ERMARD: variants seen among roughly 807,000 people sequenced by gnomAD.
The protein encoded by ERMARD is ER membrane associated RNA degradation.
A neutral mutation model predicts 83.9 loss-of-function variants in ERMARD; 71 were observed. That is an observed-to-expected ratio of 0.85 (90% CI 0.70 to 1.03). The LOEUF is 1.03. Among genes scored for constraint, ERMARD ranks in the 50% least tolerant of loss-of-function variants. The pLI is 0.00. For missense variants in ERMARD, 838 were observed against 810.9 expected, an observed-to-expected ratio of 1.03 and a Z score of -0.41; for synonymous variants, 284 against 298.6, an observed-to-expected ratio of 0.95 and a Z score of 0.50.
intron 8 of ERMARD, 37 bp downstream of exon 8, chr6:169,760,793 G>A (rs558151669): frequency 7.1e-7 from 1 of 1,408,560 alleles, no homozygotes; most frequent in East Asian, 2.3e-5. Flanking sequence ...GTTTGCAGTG[G>A]TTGGAGGCCA....
Position 169,756,355 on chromosome 6 carries a change from T to C in ERMARD, c.333T>C (p.Phe111=). ...GTAAATAGTTATTTCCTGAAATATT[T>C]GATGCCTTGGAAAGTCTACAATCTC... is the stretch of plus-strand genomic sequence containing the variant. ...TSFPELFPEI[F]DALESLQSPA... is the part of the protein sequence containing the mutation. The change falls in exon 4 of 18, where the codon TTT becomes TTC. Residue 111 remains phenylalanine (F), a synonymous_variant. Coordinates refer to ENST00000366773, the MANE Select transcript of ERMARD (RefSeq NM_018341.3). 3 of 1,606,264 alleles carry C rather than the reference T, an allele frequency of 1.9e-6. No homozygotes were observed. Among genetic ancestry groups the C allele is most frequent in the Non-Finnish European group, 2.6e-6 (3 of 1,175,830 alleles).
At chr6:169,780,785 A>C (rs1231558004) in intron 17 of ERMARD, among the ~76,000 whole-genome samples, 2 of 152,222 alleles carry the variant, frequency 1.3e-5, no homozygotes, top group Admixed American at 6.5e-5. Context: ...GGTCCTCTGT[A>C]TCAGCAGGCT....
At chr6:169,766,419 T>C (rs1792214869) in intron 9 of ERMARD, among the ~76,000 whole-genome samples, 1 of 152,218 alleles carries the variant, frequency 6.6e-6, no homozygotes, top group Non-Finnish European at 1.5e-5. Context: ...AGTGTCCTAA[T>C]GCGGCTTCAT....
chr6:169,769,481 A>AGGC, intron 11 of ERMARD, 59 bp from the exon 12 acceptor site: 1 of 1,474,022 alleles, frequency 6.8e-7, no homozygotes, highest in Non-Finnish European at 9.1e-7. Context: ...CAGCAACACC[A>AGGC]GGCACGTCTC....
chr6:169,759,923 C>A lies in ERMARD; in HGVS notation c.691C>A (p.His231Asn). Residue 231 changes from histidine to asparagine, a missense_variant, in exon 7 of 18, where the codon CAT (histidine) becomes AAT (asparagine). By Grantham distance (68) the His-to-Asn change is moderately conservative. Coordinates refer to ENST00000366773, the MANE Select transcript of ERMARD (RefSeq NM_018341.3). ...YLQNTKLTLA[H>N]RSFISLTNLE... ...TCAAAACACTAAACTTACATTGGCA[C>A]ATCGCTCTTTCATATCTCTTACAAA... The A allele has an allele frequency of 6.2e-7, 1 of 1,614,192 alleles. No individual in the cohort carries two copies. Among genetic ancestry groups the A allele is most frequent in the East Asian group, 2.2e-5 (1 of 44,882 alleles).
intron 1 of ERMARD, among the ~76,000 whole-genome samples, chr6:169,752,849 T>C (rs1790314223): frequency 6.6e-6 from 1 of 152,208 alleles, no homozygotes; most frequent in Non-Finnish European, 1.5e-5. Context: ...TTGCTACTTT[T>C]TACATGGCAG....
intron 6 of ERMARD, 105 bp from the exon 7 acceptor site, chr6:169,759,733 A>C: frequency 8.7e-7 from 1 of 1,145,572 alleles, no homozygotes; most frequent in East Asian, 2.4e-5. Flanking sequence ...GTTTCATGCA[A>C]TTTAACTTTG....
chr6:169,751,595 C>T (rs943254613), upstream of ERMARD: 55 of 1,597,232 alleles, frequency 3.4e-5, no homozygotes, highest in Non-Finnish European at 4.2e-5. Context: ...TCCAAAGCGC[C>T]TGGAGGAGGG....
chr6:169,781,170 C>A (rs369157996), intron 17 of ERMARD, among the ~76,000 whole-genome samples, 160 bp from the exon 18 acceptor site: 4 of 152,140 alleles, frequency 2.6e-5, no homozygotes, highest in East Asian at 3.8e-4. Context: ...AATTTGTATT[C>A]TCTTATTTTT....
intron 16 of ERMARD, 48 bp downstream of exon 16, chr6:169,776,721 T>C: frequency 1.9e-6 from 3 of 1,598,614 alleles, no homozygotes; most frequent in Non-Finnish European, 2.6e-6. Context: ...GGGCAGGAAG[T>C]TGTCACAGAT....
chr6:169,764,277 T>G (rs1017746387), intron 9 of ERMARD, among the ~76,000 whole-genome samples: 1 of 151,708 alleles, frequency 6.6e-6, no homozygotes, highest in Non-Finnish European at 1.5e-5. Context: ...TTTGGTTTTT[T>G]TTTTTGAGGC....
intron 9 of ERMARD, among the ~76,000 whole-genome samples, chr6:169,765,678 GTAA>G (rs1442265851): frequency 6.6e-6 from 1 of 152,220 alleles, no homozygotes; most frequent in Non-Finnish European, 1.5e-5. Context: ...CATCTGTGTA[GTAA>G]TGTTGAAGAA....
Position 169,781,328 on chromosome 6 carries a change from A to T in ERMARD, c.1854-2A>T. On this transcript the variant is annotated splice_acceptor_variant, in intron 17 of 17. Transcript: ENST00000366773. LOFTEE classifies it high-confidence loss of function. ...ATAAAGAAATTAATTTTTTTTTTAC[A>T]GGTTTGTAAAGTCGATCTTGCAGTA... is the stretch of plus-strand genomic sequence containing the variant. The T allele has an allele frequency of 6.3e-7, 1 of 1,581,394 alleles. No homozygotes were observed. The highest frequency in any genetic ancestry group is 8.5e-7 in the Non-Finnish European group (1 of 1,171,098).
chr6:169,776,764 G>C (rs1275169409), intron 16 of ERMARD, 91 bp downstream of exon 16: 13 of 1,436,962 alleles, frequency 9.0e-6, no homozygotes, highest in Non-Finnish European at 1.2e-5. Context: ...GACACACACA[G>C]TAGCCCCTCA....
rs144908519 is a variant in ERMARD, at chr6:169,776,025, C to T, written c.1480C>T (p.Arg494Cys). The change falls in exon 15 of 18, where the codon CGT becomes TGT. Residue 494 changes from arginine (R) to cysteine (C), a missense_variant. Transcript: ENST00000366773. ...GCTGTATCACCATATGCCTGAGAAT[C>T]GTTGTGTGTTAAAGGACTTGGATCG... ...DELYHHMPEN[R>C]CVLKDLDRLP... The T allele has an allele frequency of 2.7e-5, 44 of 1,614,056 alleles. 1 individual carries two copies. In the Middle Eastern group the frequency reaches 8.2e-4, roughly 30 times the overall value.
Position 169,766,669 on chromosome 6 carries a change from T to G in ERMARD, c.990+2T>G. 6.4e-7 allele frequency: 1 copy of G among 1,572,292 alleles called. No homozygotes were observed. Among genetic ancestry groups the G allele is most frequent in the Non-Finnish European group, 8.6e-7 (1 of 1,168,600 alleles). On this transcript the variant is annotated splice_donor_variant, in intron 10 of 17. Coordinates refer to ENST00000366773, the MANE Select transcript of ERMARD (RefSeq NM_018341.3). LOFTEE classifies it high-confidence loss of function. The stretch of plus-strand genomic sequence containing the variant: ...GCTCTTTATACCACCTTTGATCAAG[T>G]AAGTAAGTAAACTTGTAAGGTAACT...
intron 13 of ERMARD, among the ~76,000 whole-genome samples, 197 bp downstream of exon 13, chr6:169,773,599 G>C (rs1244275665): frequency 6.6e-6 from 1 of 152,178 alleles, no homozygotes; most frequent in African/African-American, 2.4e-5. Flanking sequence ...TCCGTGTCTA[G>C]CAGTTGAAAG....
chr6:169,772,796 G>A lies in ERMARD; in HGVS notation c.1234-523G>A, dbSNP rs568508049. On this transcript the variant is annotated intron_variant, in intron 12 of 17. Transcript: ENST00000366773. Reference sequence around the variant, plus strand: ...AAAAAAAAAAAAAAAAAAAAAAATTGTAGGTAGTTACAGATTTTTTAATTT... The same window carrying A: ...AAAAAAAAAAAAAAAAAAAAAAATTATAGGTAGTTACAGATTTTTTAATTT... Among the ~76,000 whole-genome samples the A allele has an allele frequency of 9.1e-3, 1,334 of 146,566 alleles. 13 individuals are homozygous for A. Among genetic ancestry groups the A allele is most frequent in the Non-Finnish European group, 0.014 (954 of 66,654 alleles).
At chr6:169,772,258 C>T (rs1793016788) in intron 12 of ERMARD, among the ~76,000 whole-genome samples, 1 of 152,240 alleles carries the variant, frequency 6.6e-6, no homozygotes, top group Non-Finnish European at 1.5e-5. Context: ...GGAACAGAAG[C>T]CAGGTGCTCT....
Sources: allele counts gnomAD v4.1 joint callset (sites outside exome capture counted in the v4.1 genomes callset), GRCh38; gene constraint gnomAD v4.1.1; transcripts MANE v1.5; gene names NCBI Gene and HGNC (gene_info 2026-07-23, HGNC 2026-07-21).